The following PTBP3 variants were observed in gnomAD, a reference collection of about 807,000 sequenced individuals.
The protein encoded by PTBP3 is polypyrimidine tract-binding protein 3.
A neutral mutation model predicts 58.7 loss-of-function variants in PTBP3; 20 were observed. The observed-to-expected ratio is 0.34, with a 90% CI of 0.24 to 0.50. PTBP3 has a LOEUF of 0.50. Among genes scored for constraint, PTBP3 ranks in the 20% least tolerant of loss-of-function variants. PTBP3 has a pLI of 0.98. For missense variants in PTBP3, 509 were observed against 637.2 expected, an observed-to-expected ratio of 0.80 and a Z score of 2.17; for synonymous variants, 185 against 219.8, an observed-to-expected ratio of 0.84 and a Z score of 1.40.
At position 112,287,126 on chromosome 9, in the gene PTBP3, G is replaced by A. The variant is rs185630641; in HGVS notation, c.34+10706C>T. ...TATGATAAGCCTGGGTGTGGTTTCC[G>A]TTGTGTTTATCCTGCTTAAGTTTCA... On this transcript the variant is annotated intron_variant, in intron 2 of 13. Transcript: ENST00000374257. Among the ~76,000 whole-genome samples the A allele has an allele frequency of 1.6e-4, 25 of 152,170 alleles. No homozygotes were observed. In the South Asian group the frequency reaches 5.0e-3, roughly 30 times the overall value.
rs1223136355 is a variant in PTBP3, at chr9:112,232,215, C to T, written c.904G>A (p.Gly302Arg). ...ATGLSVPAVPGALGPLTITSS... is the reference protein window; with the variant it reads ...ATGLSVPAVPRALGPLTITSS... ...GTGATTGTGAGAGGACCAAGAGCTC[C>T]AGGAACAGCTGGAACTGATAGACCT... Residue 302 changes from glycine to arginine, a missense_variant, in exon 9 of 14, where the codon GGA (glycine) becomes AGA (arginine). Gly to Arg is a moderately radical substitution (Grantham distance 125). Transcript: ENST00000374257. The T allele has an allele frequency of 6.2e-7, 1 of 1,609,542 alleles. No homozygotes were observed. Among genetic ancestry groups the T allele is most frequent in the South Asian group, 1.1e-5 (1 of 90,646 alleles).
chr9:112,232,270 T>C (rs766210075), intron 8 of PTBP3, 32 bp from the exon 9 acceptor site: 1 of 1,538,344 alleles, frequency 6.5e-7, no homozygotes, highest in East Asian at 2.3e-5. Flanking sequence ...TTTCATATTC[T>C]AATTATTTGA....
chr9:112,252,632 A>G (rs201994319), intron 6 of PTBP3, 46 bp downstream of exon 6: 122 of 1,358,640 alleles, frequency 9.0e-5, no homozygotes, highest in Admixed American at 4.1e-4. Flanking sequence ...AGAAGGTATC[A>G]CTGGAGTGAT....
intron 2 of PTBP3, 49 bp from the exon 3 acceptor site, chr9:112,276,062 G>C: frequency 6.7e-7 from 1 of 1,497,812 alleles, no homozygotes; most frequent in Non-Finnish European, 9.3e-7. Context: ...AATTTGGGTT[G>C]ACATACTACA....
At chr9:112,316,834 T>C (rs1048198871) in intron 1 of PTBP3, among the ~76,000 whole-genome samples, 4 of 151,958 alleles carry the variant, frequency 2.6e-5, no homozygotes, top group South Asian at 2.1e-4. Flanking sequence ...TAGCTGGGCA[T>C]GGTGGTGTGC....
At chr9:112,296,970 C>T (rs1458898519) in intron 2 of PTBP3, among the ~76,000 whole-genome samples, 1 of 152,072 alleles carries the variant, frequency 6.6e-6, no homozygotes, top group Non-Finnish European at 1.5e-5. Flanking sequence ...AGTTACCATC[C>T]TTTATTAGGA....
chr9:112,299,767 G>C (rs1828836745), intron 1 of PTBP3, among the ~76,000 whole-genome samples: 1 of 152,186 alleles, frequency 6.6e-6, no homozygotes, highest in Non-Finnish European at 1.5e-5. Context: ...AATGGAACAT[G>C]AATGGACATG....
At chr9:112,324,502 T>G (rs1830077731) in intron 1 of PTBP3, among the ~76,000 whole-genome samples, 1 of 152,056 alleles carries the variant, frequency 6.6e-6, no homozygotes, top group Non-Finnish European at 1.5e-5. Flanking sequence ...AATACAAAAT[T>G]AGCCAGGCAT....
chr9:112,363,516 TCA>T, the PTBP3 span, among the ~76,000 whole-genome samples: 65,198 of 134,442 alleles, frequency 0.48, 15,599 homozygotes, highest in Middle Eastern at 0.57. Context: ...AGCAAAACTG[TCA>T]CACACACACA....
chr9:112,290,652 A>G (rs1239260033), intron 2 of PTBP3, among the ~76,000 whole-genome samples: 1 of 147,530 alleles, frequency 6.8e-6, no homozygotes, highest in African/African-American at 2.5e-5. Flanking sequence ...AGCCTGGGTG[A>G]CAAAGTCAGA....
chr9:112,275,739 AG>A, intron 3 of PTBP3, 104 bp downstream of exon 3: 2 of 1,069,714 alleles, frequency 1.9e-6, no homozygotes, highest in South Asian at 3.8e-5. Context: ...TTATGTTCAT[AG>A]TATGAAATTT....
chr9:112,237,707 A>C (rs1343937064), intron 7 of PTBP3, among the ~76,000 whole-genome samples: 1 of 152,190 alleles, frequency 6.6e-6, no homozygotes, highest in Non-Finnish European at 1.5e-5. Flanking sequence ...GGCCAGAAGC[A>C]AATCCCAGGG....
chr9:112,364,897 CCTAT>C, the PTBP3 span, among the ~76,000 whole-genome samples: 454 of 152,164 alleles, frequency 3.0e-3, 5 homozygotes, highest in Middle Eastern at 0.014. Flanking sequence ...ACTTACTGAC[CCTAT>C]CTAACAGTTT....
chr9:112,239,031 T>C (rs950232505), intron 7 of PTBP3, among the ~76,000 whole-genome samples: 1 of 152,074 alleles, frequency 6.6e-6, no homozygotes, highest in Non-Finnish European at 1.5e-5. Flanking sequence ...TAATAACAAA[T>C]TGCCAAGACT....
chr9:112,332,800 T>G lies in PTBP3; in HGVS notation c.-52+670A>C, dbSNP rs375796179. The G allele has an allele frequency of 4.1e-5, 66 of 1,612,478 alleles. No individual in the cohort carries two copies. The African/African-American group carries it at 7.3e-4, about 18-fold the overall frequency. On this transcript the variant is annotated intron_variant, in intron 1 of 13. Transcript: ENST00000374257. ...TTTACATACACGGGCAGATAATTCA[T>G]TAAGTTTCTTGGGGAGAGAGAAAGG...
chr9:112,323,961 T>C (rs1830050511), intron 1 of PTBP3, among the ~76,000 whole-genome samples: 1 of 152,078 alleles, frequency 6.6e-6, no homozygotes, highest in Non-Finnish European at 1.5e-5. Context: ...AATCCATACC[T>C]TGGCATATCA....
intron 5 of PTBP3, among the ~76,000 whole-genome samples, chr9:112,254,970 T>C (rs1043690752): frequency 6.6e-6 from 1 of 152,132 alleles, no homozygotes; most frequent in African/African-American, 2.4e-5. Context: ...GCAACCAAAG[T>C]GTTCATCAAT....
chr9:112,328,956 G>T (rs1471894681), intron 1 of PTBP3, among the ~76,000 whole-genome samples: 3 of 152,168 alleles, frequency 2.0e-5, no homozygotes, highest in African/African-American at 7.2e-5. Flanking sequence ...AAACAAAGAT[G>T]AATTATTTCT....
At chr9:112,243,629 A>G (rs1835751777) in intron 7 of PTBP3, among the ~76,000 whole-genome samples, 1 of 152,216 alleles carries the variant, frequency 6.6e-6, no homozygotes, top group African/African-American at 2.4e-5. Context: ...CTGAAATGTA[A>G]AAAGAATCCA....
Sources: gnomAD v4.1 joint callset for allele counts (sites outside exome capture counted in the v4.1 genomes callset) on GRCh38, gnomAD v4.1.1 for gene constraint, MANE v1.5 for transcripts, NCBI Gene and HGNC (gene_info 2026-07-23, HGNC 2026-07-21) for gene names.